Variants in CDKAL1 observed in about 807,000 individuals in gnomAD.
The protein encoded by CDKAL1 is threonylcarbamoyladenosine tRNA methylthiotransferase.
CDKAL1 carries 32 observed loss-of-function variants against 68.2 expected under a neutral mutation model. That is an observed-to-expected ratio of 0.47 (90% CI 0.35 to 0.63). The LOEUF is 0.63. Ranked by LOEUF, CDKAL1 falls within the 30% of genes least tolerant of loss-of-function variation. CDKAL1 has a pLI of 0.00. For missense variants in CDKAL1, 606 were observed against 696.7 expected (o/e 0.87, Z 1.47); for synonymous variants, 234 against 244.3 (o/e 0.96, Z 0.39).
At chr6:20,872,618 A>G (rs1042778779) in intron 9 of CDKAL1, among the ~76,000 whole-genome samples, 7 of 152,206 alleles carry the variant, frequency 4.6e-5, no homozygotes, top group African/African-American at 1.7e-4. Flanking sequence ...GGGTGGATAC[A>G]ATTCTGGAGG....
intron 11 of CDKAL1, among the ~76,000 whole-genome samples, chr6:21,057,913 A>G (rs1770926181): frequency 6.6e-6 from 1 of 152,210 alleles, no homozygotes; most frequent in African/African-American, 2.4e-5. Flanking sequence ...GCATTTGCTA[A>G]GGAATGTTTT....
intron 9 of CDKAL1, among the ~76,000 whole-genome samples, chr6:20,901,681 GAAAA>G (rs77788195): frequency 1.2e-5 from 1 of 86,338 alleles, no homozygotes; most frequent in African/African-American, 4.4e-5. Flanking sequence ...ACTCCATCTG[GAAAA>G]AAAAAAAAAA....
intron 8 of CDKAL1, among the ~76,000 whole-genome samples, chr6:20,822,672 T>G (rs1265988823): frequency 6.6e-6 from 1 of 152,124 alleles, no homozygotes; most frequent in Non-Finnish European, 1.5e-5. Flanking sequence ...GTTTCCCCAA[T>G]GTTGTTCTCA....
intron 9 of CDKAL1, among the ~76,000 whole-genome samples, chr6:20,893,253 A>G (rs1340275201): frequency 6.6e-6 from 1 of 152,162 alleles, no homozygotes. Flanking sequence ...TGATTCATTC[A>G]AGTTGCTGCA....
chr6:20,891,580 G>T (rs1761404293), intron 9 of CDKAL1, among the ~76,000 whole-genome samples: 2 of 145,482 alleles, frequency 1.4e-5, no homozygotes, highest in African/African-American at 5.1e-5. Flanking sequence ...CTGTCACCAG[G>T]CTGGAGTGTA....
intron 8 of CDKAL1, among the ~76,000 whole-genome samples, chr6:20,795,162 T>C (rs1776057653): frequency 1.3e-5 from 2 of 152,160 alleles, no homozygotes; most frequent in Admixed American, 1.3e-4. Flanking sequence ...CTTCCTTTAA[T>C]TCCTATAGGT....
At position 20,905,696 on chromosome 6, in the gene CDKAL1, A is replaced by T. The variant is rs1481677739; in HGVS notation, c.743-49723A>T. ...ATCTTGAAAACGGCAAGAGAGAAGC[A>T]ACTCTTCACATGCAAAGGAACCACA... On this transcript the variant is annotated intron_variant, in intron 9 of 15. Coordinates refer to ENST00000274695, the MANE Select transcript of CDKAL1 (RefSeq NM_017774.3). Among the ~76,000 whole-genome samples the T allele has an allele frequency of 4.6e-5, 7 of 152,216 alleles. 1 individual carries two copies. In the South Asian group the frequency reaches 1.0e-3, roughly 23 times the overall value.
intron 10 of CDKAL1, among the ~76,000 whole-genome samples, chr6:20,979,078 A>C (rs2150769480): frequency 6.6e-6 from 1 of 152,338 alleles, no homozygotes; most frequent in Non-Finnish European, 1.5e-5. Flanking sequence ...AAAAAGTAAG[A>C]GTGTAATCTT....
chr6:21,032,743 T>C (rs1399512240), intron 11 of CDKAL1, among the ~76,000 whole-genome samples: 1 of 152,200 alleles, frequency 6.6e-6, no homozygotes, highest in Non-Finnish European at 1.5e-5. Flanking sequence ...CTAGGAACCA[T>C]AGCCTGTACC....
chr6:20,593,736 T>C (rs1044136730), intron 4 of CDKAL1, among the ~76,000 whole-genome samples: 1 of 152,228 alleles, frequency 6.6e-6, no homozygotes, highest in African/African-American at 2.4e-5. Context: ...ATTTGTTTGC[T>C]CTTGCTTCTC....
intron 9 of CDKAL1, among the ~76,000 whole-genome samples, chr6:20,881,911 T>C (rs1760842904): frequency 6.6e-6 from 1 of 152,174 alleles, no homozygotes; most frequent in South Asian, 2.1e-4. Context: ...ACCAAAATTT[T>C]CTCCTTTTCC....
At position 20,741,446 on chromosome 6, in the gene CDKAL1, T is replaced by C. The variant is rs79545943; in HGVS notation, c.468+1831T>C. On this transcript the variant is annotated intron_variant, in intron 6 of 15. Coordinates refer to ENST00000274695, the MANE Select transcript of CDKAL1 (RefSeq NM_017774.3). ...AAGCCTTTTACTCATTAGTTATTTT[T>C]CCTGATCCTCTGCTTCTTCCCACTC... 2.0e-3 allele frequency among the ~76,000 whole-genome samples: 308 copies of C among 152,164 alleles called. 11 individuals carry two copies. In the East Asian group the frequency reaches 0.051, roughly 25 times the overall value.
At chr6:20,600,767 T>TATAC (rs1431838534) in intron 4 of CDKAL1, among the ~76,000 whole-genome samples, 4 of 97,228 alleles carry the variant, frequency 4.1e-5, no homozygotes, top group Non-Finnish European at 8.1e-5. Flanking sequence ...GATATATATG[T>TATAC]ATACATATAT....
At chr6:20,724,415 A>G (rs983103980) in intron 5 of CDKAL1, among the ~76,000 whole-genome samples, 3 of 151,906 alleles carry the variant, frequency 2.0e-5, no homozygotes, top group Admixed American at 6.6e-5. Context: ...TTCTGATTAC[A>G]TGGCCAATTC....
intron 8 of CDKAL1, among the ~76,000 whole-genome samples, chr6:20,843,127 A>G (rs1296345246): frequency 6.6e-6 from 1 of 152,130 alleles, no homozygotes; most frequent in Non-Finnish European, 1.5e-5. Flanking sequence ...ACATCTGTCC[A>G]TAAAGTTGAG....
At chr6:20,959,479 T>C (rs73375735) in intron 10 of CDKAL1, among the ~76,000 whole-genome samples, 1 of 152,140 alleles carries the variant, frequency 6.6e-6, no homozygotes, top group Non-Finnish European at 1.5e-5. Context: ...TTCAGGGTAC[T>C]TATTTTTTTC....
intron 9 of CDKAL1, among the ~76,000 whole-genome samples, chr6:20,909,522 A>G (rs902201016): frequency 1.3e-5 from 2 of 152,172 alleles, no homozygotes; most frequent in Non-Finnish European, 2.9e-5. Flanking sequence ...ATTTACTTAA[A>G]TGCTTTAGGT....
chr6:20,850,275 C>T (rs779484219), intron 9 of CDKAL1, among the ~76,000 whole-genome samples: 12 of 151,900 alleles, frequency 7.9e-5, no homozygotes, highest in East Asian at 3.9e-4. Flanking sequence ...ATCCTTAAAG[C>T]GGCATTTTCT....
At chr6:20,803,102 A>G in intron 8 of CDKAL1, among the ~76,000 whole-genome samples, 1 of 152,228 alleles carries the variant, frequency 6.6e-6, no homozygotes, top group Non-Finnish European at 1.5e-5. Flanking sequence ...TAGGATTGAA[A>G]TTGTGAAAAC....
Sources: gnomAD v4.1 joint callset for allele counts (sites outside exome capture counted in the v4.1 genomes callset) on GRCh38, gnomAD v4.1.1 for gene constraint, MANE v1.5 for transcripts, NCBI Gene and HGNC (gene_info 2026-07-23, HGNC 2026-07-21) for gene names.